KLHL1: variants seen among roughly 807,000 people sequenced by gnomAD.
The protein encoded by KLHL1 is kelch like family member 1, also known as kelch-like protein 1.
A neutral mutation model predicts 77.7 loss-of-function variants in KLHL1; 47 were observed. The ratio of observed to expected loss-of-function variants is 0.60; its 90% CI spans 0.48 to 0.77. The LOEUF (loss-of-function observed/expected upper bound fraction) is 0.77, where lower values mean the gene tolerates loss of function less well. Among genes scored for constraint, KLHL1 ranks in the 30% least tolerant of loss-of-function variants. The pLI, the probability that KLHL1 is intolerant of heterozygous loss-of-function variation, is 0.00. For missense variants in KLHL1, 925 were observed against 910.8 expected, an observed-to-expected ratio of 1.02 and a Z score of -0.20; for synonymous variants, 360 against 325.2, an observed-to-expected ratio of 1.11 and a Z score of -1.15.
At position 70,032,850 on chromosome 13, in the gene KLHL1, A is replaced by G. The variant is rs142599594; in HGVS notation, c.498-57048T>C. Among the ~76,000 whole-genome samples the G allele has an allele frequency of 9.3e-4, 142 of 152,268 alleles. 3 individuals carry two copies. In the East Asian group the frequency reaches 0.025, roughly 27 times the overall value. ...AATTTTAGATCTTTTTAAGGTTACT[A>G]TGTGGTTGGTGCAAACGTAATTGCA... is the stretch of plus-strand genomic sequence containing the variant. On this transcript the variant is annotated intron_variant, in intron 1 of 10. Transcript: ENST00000377844.
At chr13:69,808,694 G>C (rs1877729571) in intron 6 of KLHL1, among the ~76,000 whole-genome samples, 1 of 152,090 alleles carries the variant, frequency 6.6e-6, no homozygotes, top group Non-Finnish European at 1.5e-5. Flanking sequence ...GATTTCAGTA[G>C]CTTCCAAGCA....
chr13:69,707,837 C>T (rs761850963), intron 9 of KLHL1, 41 bp from the exon 10 acceptor site: 2 of 1,476,370 alleles, frequency 1.4e-6, no homozygotes, highest in South Asian at 1.4e-5. Context: ...ATTCTAATCA[C>T]ATTCAACTTT....
chr13:69,891,125 C>T (rs1354912595), intron 4 of KLHL1, among the ~76,000 whole-genome samples: 1 of 151,834 alleles, frequency 6.6e-6, no homozygotes, highest in Non-Finnish European at 1.5e-5. Flanking sequence ...TACTAAATGC[C>T]ATACATGTTT....
chr13:70,010,148 A>G (rs1057023630), intron 1 of KLHL1, among the ~76,000 whole-genome samples: 2 of 152,324 alleles, frequency 1.3e-5, no homozygotes, highest in East Asian at 1.9e-4. Context: ...AAATGGCAGG[A>G]AACTTTTTTC....
At chr13:69,824,404 T>C (rs768829758) in intron 6 of KLHL1, among the ~76,000 whole-genome samples, 10 of 152,080 alleles carry the variant, frequency 6.6e-5, no homozygotes, top group Non-Finnish European at 1.5e-4. Context: ...TTCATGAATA[T>C]GTTTTTTACA....
At chr13:70,096,003 T>C (rs901245036) in intron 1 of KLHL1, among the ~76,000 whole-genome samples, 4 of 152,058 alleles carry the variant, frequency 2.6e-5, no homozygotes. Context: ...GTTCCACCCA[T>C]GTTGTTGCAA....
intron 1 of KLHL1, among the ~76,000 whole-genome samples, chr13:70,080,148 C>T (rs113191737): frequency 5.3e-5 from 8 of 152,244 alleles, no homozygotes; most frequent in South Asian, 2.1e-4. Context: ...TGAAAGGATA[C>T]GTGTTGGCAT....
intron 7 of KLHL1, among the ~76,000 whole-genome samples, chr13:69,775,949 G>A (rs577251494): frequency 2.6e-5 from 4 of 151,852 alleles, no homozygotes; most frequent in African/African-American, 4.8e-5. Context: ...TCAGGAGATC[G>A]AGAACATCCT....
intron 7 of KLHL1, among the ~76,000 whole-genome samples, chr13:69,773,481 G>T (rs1875676175): frequency 6.6e-6 from 1 of 151,876 alleles, no homozygotes; most frequent in South Asian, 2.1e-4. Flanking sequence ...TGTTTCTTAA[G>T]GATGTCTATA....
chr13:69,957,040 C>T (rs540649078), intron 3 of KLHL1, among the ~76,000 whole-genome samples: 26 of 151,634 alleles, frequency 1.7e-4, no homozygotes, highest in African/African-American at 5.5e-4. Context: ...CTGAGGATGA[C>T]GCATGCAATA....
chr13:70,053,605 G>T (rs1886678951), intron 1 of KLHL1, among the ~76,000 whole-genome samples: 1 of 151,990 alleles, frequency 6.6e-6, no homozygotes, highest in South Asian at 2.1e-4. Flanking sequence ...TGTGATAAAA[G>T]GAATTAATCA....
intron 4 of KLHL1, among the ~76,000 whole-genome samples, chr13:69,927,428 T>G (rs1484308162): frequency 1.3e-5 from 2 of 152,084 alleles, no homozygotes; most frequent in African/African-American, 4.8e-5. Context: ...ATTTAAAACT[T>G]TGTCCTCATT....
chr13:70,065,343 T>C (rs1010398461), intron 1 of KLHL1, among the ~76,000 whole-genome samples: 12 of 152,180 alleles, frequency 7.9e-5, no homozygotes, highest in African/African-American at 2.9e-4. Context: ...AGTGGCATCA[T>C]AGCCAACTCC....
chr13:69,859,631 T>C (rs943806238), intron 5 of KLHL1, among the ~76,000 whole-genome samples: 3 of 152,106 alleles, frequency 2.0e-5, no homozygotes, highest in Non-Finnish European at 4.4e-5. Flanking sequence ...ATAAAAGGGA[T>C]ATGCTCAGTA....
At chr13:69,750,587 C>T (rs904782593) in intron 7 of KLHL1, among the ~76,000 whole-genome samples, 1 of 151,540 alleles carries the variant, frequency 6.6e-6, no homozygotes, top group Non-Finnish European at 1.5e-5. Flanking sequence ...ATATAATATA[C>T]AATATATACA....
chr13:70,075,690 C>CAT lies in KLHL1; in HGVS notation c.497+31512_497+31513insAT, dbSNP rs1566555050. 1.1e-4 allele frequency among the ~76,000 whole-genome samples: 15 copies of CAT among 138,046 alleles called. 1 individual carries two copies. Among genetic ancestry groups the CAT allele is most frequent in the East Asian group, 1.0e-3 (5 of 4,776 alleles). 90.6% of individuals were successfully genotyped at this position (138,046 alleles called of 152,430 possible). A position where few individuals can be genotyped will look rare whatever the true frequency, so the allele number is the denominator to read the frequency against. ...GTGTGTGTATATATATATACACACA[C>CAT]GTGTGTATATATGAAAATTAAACCT... On this transcript the variant is annotated intron_variant, in intron 1 of 10. Coordinates refer to ENST00000377844, the MANE Select transcript of KLHL1 (RefSeq NM_020866.3).
intron 1 of KLHL1, among the ~76,000 whole-genome samples, chr13:69,976,817 C>T (rs1884558068): frequency 6.6e-6 from 1 of 152,104 alleles, no homozygotes. Context: ...ATAGGCTCTA[C>T]TGAGGCAATC....
intron 4 of KLHL1, among the ~76,000 whole-genome samples, chr13:69,886,185 T>C (rs565224089): frequency 1.3e-5 from 2 of 152,122 alleles, no homozygotes; most frequent in Non-Finnish European, 2.9e-5. Context: ...TTTCTACATA[T>C]GGGTTAAAAA....
chr13:69,819,589 T>C (rs1027512554), intron 6 of KLHL1, among the ~76,000 whole-genome samples: 2 of 150,592 alleles, frequency 1.3e-5, no homozygotes, highest in Non-Finnish European at 2.9e-5. Flanking sequence ...CCTATGGCTG[T>C]AAGTAGTCAT....
Sources: allele counts gnomAD v4.1 joint callset (sites outside exome capture counted in the v4.1 genomes callset), GRCh38; gene constraint gnomAD v4.1.1; transcripts MANE v1.5; gene names NCBI Gene and HGNC (gene_info 2026-07-23, HGNC 2026-07-21).